The following OLAH variants were observed in gnomAD, a reference collection of about 807,000 sequenced individuals.
The protein encoded by OLAH is oleoyl-ACP hydrolase.
Under a neutral mutation model 27.8 loss-of-function variants are expected in OLAH, and 33 were observed. The ratio of observed to expected loss-of-function variants is 1.19; its 90% confidence interval spans 0.90 to 1.59. The LOEUF is 1.59. Among genes scored for constraint, OLAH ranks in the 40% most tolerant of loss-of-function variants. The pLI is 0.00. For synonymous variants in OLAH, 120 were observed against 102.9 expected (o/e 1.17, Z -1.01); for missense variants, 359 against 310.8 (o/e 1.16, Z -1.17).
intron 3 of OLAH, among the ~76,000 whole-genome samples, chr10:15,059,370 T>A (rs1421604644): frequency 4.0e-5 from 6 of 151,210 alleles, no homozygotes; most frequent in African/African-American, 1.5e-4. Flanking sequence ...TAATTTTTTT[T>A]ATAGAGATAA....
intron 1 of OLAH, among the ~76,000 whole-genome samples, chr10:15,033,970 G>A (rs11259443): frequency 0.43 from 65,287 of 151,508 alleles, 14,748 homozygotes; most frequent in East Asian, 0.7. Flanking sequence ...AAGAAGGAGG[G>A]GGAGGGAAAA....
chr10:15,065,916 G>C (rs1228391101), intron 6 of OLAH, among the ~76,000 whole-genome samples, 163 bp downstream of exon 6: 1 of 152,126 alleles, frequency 6.6e-6, no homozygotes, highest in Admixed American at 6.6e-5. Context: ...GTTTAGAATG[G>C]AGCCTAGGCA....
At chr10:15,044,759 T>G (rs550996018) in intron 1 of OLAH, among the ~76,000 whole-genome samples, 1 of 152,304 alleles carries the variant, frequency 6.6e-6, no homozygotes, top group East Asian at 1.9e-4. Flanking sequence ...GAAGATATCA[T>G]TCTATTCTCT....
intron 3 of OLAH, among the ~76,000 whole-genome samples, chr10:15,053,898 TTTG>T (rs1001415155): frequency 1.3e-5 from 2 of 151,998 alleles, no homozygotes; most frequent in Admixed American, 6.6e-5. Flanking sequence ...TTTTCATATT[TTTG>T]TTGTTGTTGT....
upstream of OLAH, among the ~76,000 whole-genome samples, chr10:15,043,152 G>A (rs546659522): frequency 4.6e-5 from 7 of 151,550 alleles, no homozygotes; most frequent in South Asian, 4.2e-4. Flanking sequence ...GAGCCACCGC[G>A]TCCAGCCATC....
chr10:15,037,018 G>T (rs111494343), intron 1 of OLAH, among the ~76,000 whole-genome samples: 13,807 of 152,128 alleles, frequency 0.091, 752 homozygotes, highest in Admixed American at 0.16. Context: ...GGCAGAGGTT[G>T]CAGTGAGCCA....
chr10:15,044,916 G>A (rs905750690), intron 1 of OLAH, among the ~76,000 whole-genome samples: 2 of 152,078 alleles, frequency 1.3e-5, no homozygotes, highest in African/African-American at 4.8e-5. Flanking sequence ...CTATTCTGCT[G>A]GACATTTGCT....
Position 15,073,086 on chromosome 10 carries a change from G to T in OLAH, c.656-1G>T, listed in dbSNP as rs1844623774. On this transcript the variant is annotated splice_acceptor_variant, in intron 7 of 7. Coordinates refer to ENST00000378228, the MANE Select transcript of OLAH (RefSeq NM_001039702.3). LOFTEE classifies it high-confidence loss of function. Reference sequence around the variant, plus strand: ...TTGAATACAATCTTGTTTATTTTCAGCCTGGAAAGATGTAACCAGTGGAAA... The same window carrying T: ...TTGAATACAATCTTGTTTATTTTCATCCTGGAAAGATGTAACCAGTGGAAA... The T allele has an allele frequency of 6.2e-7, 1 of 1,611,812 alleles. No individual in the cohort carries two copies. The highest frequency in any genetic ancestry group is 8.5e-7 in the Non-Finnish European group (1 of 1,179,342).
chr10:15,072,009 T>A (rs1268664098), intron 7 of OLAH, 132 bp downstream of exon 7: 1 of 600,514 alleles, frequency 1.7e-6, no homozygotes, highest in African/African-American at 1.9e-5. Flanking sequence ...TCTCAGCTCA[T>A]TGCAACCTCC....
intron 4 of OLAH, among the ~76,000 whole-genome samples, chr10:15,062,397 G>T (rs1436486551): frequency 3.3e-5 from 5 of 151,938 alleles, no homozygotes; most frequent in Non-Finnish European, 7.4e-5. Flanking sequence ...TGGTCAAGCA[G>T]AAATTGAAAA....
At chr10:15,048,414 C>T (rs1296936131) in intron 2 of OLAH, among the ~76,000 whole-genome samples, 4 of 152,182 alleles carry the variant, frequency 2.6e-5, no homozygotes, top group Admixed American at 2.0e-4. Flanking sequence ...GACAGGGCTT[C>T]GCCATGTTGG....
chr10:15,043,477 C>CTT (rs35687747), upstream of OLAH, among the ~76,000 whole-genome samples: 5 of 133,506 alleles, frequency 3.7e-5, no homozygotes, highest in African/African-American at 5.6e-5. Flanking sequence ...TTCTCTTCTT[C>CTT]TTTTTTTTTT....
Position 15,049,685 on chromosome 10 carries a change from A to G in OLAH, c.83A>G (p.Lys28Arg). The G allele has an allele frequency of 3.7e-6, 6 of 1,609,112 alleles. No homozygotes were observed. In the Admixed American group the frequency reaches 8.6e-5, roughly 23 times the overall value. The part of the protein sequence containing the change: ...CLYKNPEATF[K>R]LICFPWMGGG... ...TACAAAAACCCTGAGGCAACTTTTA[A>G]GCTGATTTGCTTTCCCTGGATGGGA... is the stretch of plus-strand genomic sequence containing the variant. Residue 28 changes from lysine (K) to arginine (R), a missense_variant, in exon 3 of 8, where the codon AAG (lysine) becomes AGG (arginine). Transcript: ENST00000378228.
chr10:15,071,772 A>T, intron 6 of OLAH, 23 bp from the exon 7 acceptor site: 1 of 1,577,028 alleles, frequency 6.3e-7, no homozygotes. Flanking sequence ...AACAATTACT[A>T]ACCAGCTCTT....
At chr10:15,033,225 A>G (rs1843787197) in intron 1 of OLAH, among the ~76,000 whole-genome samples, 1 of 152,122 alleles carries the variant, frequency 6.6e-6, no homozygotes, top group South Asian at 2.1e-4. Context: ...TGTGGATTTT[A>G]TAACTAGTAG....
At chr10:15,049,825 A>G (rs2131346687) in intron 3 of OLAH, 60 bp downstream of exon 3, 1 of 1,515,438 alleles carries the variant, frequency 6.6e-7, no homozygotes, top group Middle Eastern at 1.7e-4. Flanking sequence ...TAAATGTATT[A>G]GAATTTGAAG....
At position 15,064,392 on chromosome 10, in the gene OLAH, G is replaced by A; in HGVS notation, c.303-11G>A. 2 of 1,535,548 alleles carry A rather than the reference G, an allele frequency of 1.3e-6. No individual in the cohort carries two copies. The highest frequency in any genetic ancestry group is 1.8e-6 in the Non-Finnish European group (2 of 1,120,932). On this transcript the variant is annotated splice_polypyrimidine_tract_variant and intron_variant, in intron 4 of 7. Coordinates refer to ENST00000378228, the MANE Select transcript of OLAH (RefSeq NM_001039702.3). ...AACAGTTCTTGTCATGTTTTTCTTT[G>A]CTGAATTTAGTATGGGATCCTACAT...
At position 15,073,325 on chromosome 10, in the gene OLAH, C is replaced by T; in HGVS notation, c.*96C>T. 1 of 789,962 alleles carries T rather than the reference C, an allele frequency of 1.3e-6. No homozygotes were observed. The highest frequency in any genetic ancestry group is 2.0e-6 in the Non-Finnish European group (1 of 503,018). 48.9% of individuals were successfully genotyped at this position (789,962 alleles called of 1,614,324 possible). On this transcript the variant is annotated 3_prime_UTR_variant, in exon 8 of 8. Transcript: ENST00000378228. ...AGTTTTATTCAGATTGGAAATTACA[C>T]ATTTTCTACTGTCAGGGAGATTCGT...
In OLAH at chr10:15,037,580, C is replaced by CAAA. The variant is rs66522152; in HGVS notation, c.-164+5238_-164+5240dup. On this transcript the variant is annotated intron_variant, in intron 1 of 3. Transcript: ENST00000413672. Reference sequence around the variant, plus strand: ...TGGGTGACAGAGCGAGACTCCGTATCAAAAAAAAAAGTGTAAGTCACTAGT... The same window carrying CAAA: ...TGGGTGACAGAGCGAGACTCCGTATCAAAAAAAAAAAAAGTGTAAGTCACTAGT... Among the ~76,000 whole-genome samples, 93 of 141,272 alleles carry CAAA rather than the reference C, an allele frequency of 6.6e-4. 1 individual carries two copies. The highest frequency in any genetic ancestry group is 3.8e-3 in the Middle Eastern group (1 of 262). The allele number at this position is 141,272 out of a possible 152,430, so 92.7% of individuals were successfully genotyped here.
Sources: allele counts gnomAD v4.1 joint callset (sites outside exome capture counted in the v4.1 genomes callset), GRCh38; gene constraint gnomAD v4.1.1; transcripts MANE v1.5; gene names NCBI Gene and HGNC (gene_info 2026-07-23, HGNC 2026-07-21).